KIRREL3: variants seen among roughly 807,000 people sequenced by gnomAD.
The protein encoded by KIRREL3 is kin of IRRE-like protein 3.
Under a neutral mutation model 89.7 loss-of-function variants are expected in KIRREL3, and 36 were observed. The ratio of observed to expected loss-of-function variants is 0.40; its 90% CI spans 0.31 to 0.53. The LOEUF (loss-of-function observed/expected upper bound fraction) is 0.53. Among genes scored for constraint, KIRREL3 ranks in the 20% least tolerant of loss-of-function variants. The probability of loss-of-function intolerance (pLI) is 0.49; values close to 1 mark genes in which losing one functional copy is unlikely to be tolerated. For missense variants in KIRREL3, 864 were observed against 1,056.6 expected, an observed-to-expected ratio of 0.82 and a Z score of 2.53; for synonymous variants, 445 against 441.4, an observed-to-expected ratio of 1.01 and a Z score of -0.10.
At chr11:126,731,017 G>A (rs993156659) in intron 1 of KIRREL3, among the ~76,000 whole-genome samples, 1 of 152,128 alleles carries the variant, frequency 6.6e-6, no homozygotes, top group Non-Finnish European at 1.5e-5. Context: ...GGGATTACAG[G>A]CGTGAGCCAC....
At chr11:126,616,936 C>T (rs1431196893) in intron 1 of KIRREL3, among the ~76,000 whole-genome samples, 1 of 152,260 alleles carries the variant, frequency 6.6e-6, no homozygotes, top group East Asian at 1.9e-4. Flanking sequence ...GCCACTTGGC[C>T]TGGCCTCATA....
At chr11:126,850,952 T>C (rs1170104297) in intron 1 of KIRREL3, among the ~76,000 whole-genome samples, 1 of 152,072 alleles carries the variant, frequency 6.6e-6, no homozygotes, top group Non-Finnish European at 1.5e-5. Context: ...CACTGCAAAA[T>C]AAACCTTAAC....
intron 12 of KIRREL3, 44 bp downstream of exon 12, chr11:126,436,767 G>A: frequency 6.2e-7 from 1 of 1,607,398 alleles, no homozygotes. Context: ...AGGGCCCTCT[G>A]GTTCCATCGT....
intron 1 of KIRREL3, among the ~76,000 whole-genome samples, chr11:126,774,952 C>CTG (rs1452931689): frequency 6.6e-6 from 1 of 152,158 alleles, no homozygotes; most frequent in East Asian, 1.9e-4. Context: ...TGCTCCACCC[C>CTG]ACAGCACTCC....
Position 126,697,056 on chromosome 11 carries a change from C to T in KIRREL3, c.56-134144G>A, listed in dbSNP as rs750876634. Reference sequence around the variant, plus strand: ...TGCCTGCACAAACCCACTGTTCTTTCGCTCAGGGTGCTCTGCCCTGCGACT... The same window carrying T: ...TGCCTGCACAAACCCACTGTTCTTTTGCTCAGGGTGCTCTGCCCTGCGACT... On this transcript the variant is annotated intron_variant, in intron 1 of 16. Transcript: ENST00000525144. The surrounding 1 kb of genome is among the most constrained non-coding windows in gnomAD (Gnocchi z 4.2). Among the ~76,000 whole-genome samples the T allele has an allele frequency of 8.5e-5, 13 of 152,172 alleles. No homozygotes were observed. The highest frequency in any genetic ancestry group is 1.6e-4 in the Non-Finnish European group (11 of 68,024).
rs962292240 is a variant in KIRREL3, at chr11:126,462,496, A to G, written c.742+661T>C. Among the ~76,000 whole-genome samples the G allele has an allele frequency of 6.6e-6, 1 of 152,064 alleles. No homozygotes were observed. The highest frequency in any genetic ancestry group is 1.5e-5 in the Non-Finnish European group (1 of 68,012). On this transcript the variant is annotated intron_variant, in intron 6 of 16. Coordinates refer to ENST00000525144, the MANE Select transcript of KIRREL3 (RefSeq NM_032531.4). The surrounding 1 kb of genome is among the most constrained non-coding windows in gnomAD (Gnocchi z 4.8). ...CTTGGCCAATATGGTGAAACCCCAT[A>G]TCTACTAAAGATACAGAAATTAGCT...
At chr11:126,888,077 A>C (rs1304532250) in intron 1 of KIRREL3, among the ~76,000 whole-genome samples, 1 of 152,220 alleles carries the variant, frequency 6.6e-6, no homozygotes, top group Non-Finnish European at 1.5e-5. Context: ...GGAGGACTGA[A>C]AGTAAAAACT....
rs541502813 is a variant in KIRREL3 at position 126,639,373 on chromosome 11, G to T, written c.56-76461C>A. Among the ~76,000 whole-genome samples, 631 of 152,258 alleles carry T rather than the reference G, an allele frequency of 4.1e-3. 3 individuals are homozygous for T. The highest frequency in any genetic ancestry group is 8.2e-3 in the Admixed American group (126 of 15,302). ...TTTTGTACCTCTGGGTAAGCAAAAG[G>T]AAAAACGTTCCTTTGCTTTACCAAA... On this transcript the variant is annotated intron_variant, in intron 1 of 16. Coordinates refer to ENST00000525144, the MANE Select transcript of KIRREL3 (RefSeq NM_032531.4). The surrounding 1 kb of genome is among the most constrained non-coding windows in gnomAD (Gnocchi z 4.3).
rs887440915 is a variant in KIRREL3 at position 126,431,552 on chromosome 11, G to A, written c.1589-26C>T. 6 of 1,602,114 alleles carry A rather than the reference G, an allele frequency of 3.7e-6. No individual in the cohort carries two copies. The Admixed American group carries it at 6.7e-5, about 18-fold the overall frequency. On this transcript the variant is annotated intron_variant, in intron 13 of 16. Coordinates refer to ENST00000525144, the MANE Select transcript of KIRREL3 (RefSeq NM_032531.4). The surrounding 1 kb of genome is among the most constrained non-coding windows in gnomAD (Gnocchi z 7.1). ...CTGTGGGAGAGAAGCGGGCACAGCT[G>A]ATGACGGATGGGGAATGGCCTACTA... is the stretch of plus-strand genomic sequence containing the variant.
chr11:126,597,566 A>G (rs578128007), intron 1 of KIRREL3, among the ~76,000 whole-genome samples: 1 of 152,308 alleles, frequency 6.6e-6, no homozygotes, highest in Non-Finnish European at 1.5e-5. Context: ...ACCCTGTCAC[A>G]TTCTTTTGCC....
chr11:126,446,208 C>T (rs7924681), intron 9 of KIRREL3, among the ~76,000 whole-genome samples: 1 of 148,934 alleles, frequency 6.7e-6, no homozygotes, highest in Admixed American at 6.7e-5. Context: ...CCAAGGCTAA[C>T]GGTGGCTTTA....
At chr11:126,850,144 A>T (rs1944294313) in intron 1 of KIRREL3, among the ~76,000 whole-genome samples, 2 of 152,238 alleles carry the variant, frequency 1.3e-5, no homozygotes, top group South Asian at 4.1e-4. Context: ...AGAGTGAAAC[A>T]GCAAACATCG....
chr11:126,597,350 G>A (rs1228727581), intron 1 of KIRREL3, among the ~76,000 whole-genome samples: 2 of 152,224 alleles, frequency 1.3e-5, no homozygotes, highest in Admixed American at 6.5e-5. Context: ...CTGAGGAGTC[G>A]ACAGGACCAT....
At chr11:126,839,645 A>T (rs530203501) in intron 1 of KIRREL3, among the ~76,000 whole-genome samples, 1 of 152,200 alleles carries the variant, frequency 6.6e-6, no homozygotes, top group Non-Finnish European at 1.5e-5. Context: ...TCAGCATATT[A>T]CAGGCAAACA....
At position 126,639,285 on chromosome 11, in the gene KIRREL3, C is replaced by T. The variant is rs1944380900; in HGVS notation, c.56-76373G>A. On this transcript the variant is annotated intron_variant, in intron 1 of 16. Coordinates refer to ENST00000525144, the MANE Select transcript of KIRREL3 (RefSeq NM_032531.4). The surrounding 1 kb of genome is among the most constrained non-coding windows in gnomAD (Gnocchi z 4.3). ...ACCTTACATATTGACTGAATCAGGC[C>T]TGTCTCCAATGAAGATCTAGGCAGC... is the stretch of plus-strand genomic sequence containing the variant. 6.6e-6 allele frequency among the ~76,000 whole-genome samples: 1 copy of T among 152,174 alleles called. No individual in the cohort carries two copies. The highest frequency in any genetic ancestry group is 6.5e-5 in the Admixed American group (1 of 15,272).
chr11:126,762,923 G>C (rs1347798491), intron 1 of KIRREL3, among the ~76,000 whole-genome samples: 1 of 152,064 alleles, frequency 6.6e-6, no homozygotes, highest in Non-Finnish European at 1.5e-5. Context: ...TGCAACTCAC[G>C]ATTGACCCCA....
intron 1 of KIRREL3, among the ~76,000 whole-genome samples, chr11:126,721,863 C>G (rs917771813): frequency 5.3e-5 from 8 of 152,198 alleles, no homozygotes; most frequent in Non-Finnish European, 7.3e-5. Context: ...TGACATAGGA[C>G]AGCTCCATGT....
chr11:126,713,857 A>C (rs934446196), intron 1 of KIRREL3, among the ~76,000 whole-genome samples: 1 of 152,162 alleles, frequency 6.6e-6, no homozygotes, highest in African/African-American at 2.4e-5. Context: ...AGCACGGAAC[A>C]GCATCTGAAA....
rs989569814 is a variant in KIRREL3 at position 126,492,670 on chromosome 11, C to A, written c.434-19204G>T. On this transcript the variant is annotated intron_variant, in intron 4 of 16. Transcript: ENST00000525144. This position sits in a 1 kb window ranked among gnomAD's most constrained non-coding sequence, Gnocchi z 4.8. ...CCTATCAAACTTTGATAAATTGACT[C>A]TGAAAGGGCCTTTTCTTCCAAGCAG... is the stretch of plus-strand genomic sequence containing the variant. 1.3e-5 allele frequency among the ~76,000 whole-genome samples: 2 copies of A among 152,160 alleles called. No homozygotes were observed. The highest frequency in any genetic ancestry group is 2.4e-5 in the African/African-American group (1 of 41,438).
Sources: allele counts gnomAD v4.1 joint callset (sites outside exome capture counted in the v4.1 genomes callset), GRCh38; gene constraint gnomAD v4.1.1; non-coding constraint Gnocchi (gnomAD v3.1); transcripts MANE v1.5; gene names NCBI Gene and HGNC (gene_info 2026-07-23, HGNC 2026-07-21).